Variants in SORCS2 observed in about 807,000 individuals in gnomAD.
SORCS2 encodes sortilin related VPS10 domain containing receptor 2, also known as VPS10 domain-containing receptor SorCS2.
A neutral mutation model predicts 141.6 loss-of-function variants in SORCS2; 100 were observed. That is an observed-to-expected ratio of 0.71 (90% confidence interval 0.60 to 0.83). The LOEUF (loss-of-function observed/expected upper bound fraction) is 0.83, where lower values mean the gene tolerates loss of function less well. SORCS2 is among the 40% of genes least tolerant of loss of function. SORCS2 has a pLI of 0.00. For missense variants in SORCS2, 1,646 were observed against 1,560.2 expected, an observed-to-expected ratio of 1.05 and a Z score of -0.93; for synonymous variants, 789 against 676.9, an observed-to-expected ratio of 1.17 and a Z score of -2.57.
At chr4:7,590,392 C>G (rs1716837233) in intron 3 of SORCS2, among the ~76,000 whole-genome samples, 1 of 152,174 alleles carries the variant, frequency 6.6e-6, no homozygotes, top group African/African-American at 2.4e-5. Flanking sequence ...AAGGAAAGGG[C>G]TTGTGAAGAC....
chr4:7,533,975 C>T (rs918468791), intron 3 of SORCS2, among the ~76,000 whole-genome samples: 5 of 152,128 alleles, frequency 3.3e-5, no homozygotes, highest in African/African-American at 1.2e-4. Context: ...ACAGGCAGCA[C>T]CGGGGAGGTA....
chr4:7,527,492 C>T (rs796821839), intron 2 of SORCS2, among the ~76,000 whole-genome samples: 7 of 152,280 alleles, frequency 4.6e-5, no homozygotes, highest in African/African-American at 1.7e-4. Context: ...GCGAGGACTG[C>T]AGGAGGTCGC....
At chr4:7,293,598 T>C (rs1158126867) in intron 1 of SORCS2, among the ~76,000 whole-genome samples, 3 of 152,176 alleles carry the variant, frequency 2.0e-5, no homozygotes, top group African/African-American at 7.2e-5. Flanking sequence ...TTGAAGGTAG[T>C]GAATGGTTTT....
intron 2 of SORCS2, among the ~76,000 whole-genome samples, chr4:7,423,555 C>T (rs901333305): frequency 9.9e-5 from 15 of 152,158 alleles, no homozygotes; most frequent in Admixed American, 2.6e-4. Context: ...GCTGGTGTTA[C>T]TGGTGTGCAC....
At chr4:7,504,685 A>G (rs1297386000) in intron 2 of SORCS2, among the ~76,000 whole-genome samples, 2 of 152,174 alleles carry the variant, frequency 1.3e-5, no homozygotes, top group African/African-American at 4.8e-5. Context: ...TAAATGCTAT[A>G]TGCTGTCGCT....
At chr4:7,384,424 C>A (rs1195978983) in intron 1 of SORCS2, among the ~76,000 whole-genome samples, 2 of 152,162 alleles carry the variant, frequency 1.3e-5, no homozygotes, top group Non-Finnish European at 2.9e-5. Context: ...GGCATCCTGC[C>A]TGCCCACAGT....
At chr4:7,571,807 C>A (rs757980781) in intron 3 of SORCS2, among the ~76,000 whole-genome samples, 5 of 152,230 alleles carry the variant, frequency 3.3e-5, no homozygotes, top group Non-Finnish European at 7.3e-5. Context: ...TGGTGATTAT[C>A]ATCAGCGATG....
At chr4:7,614,907 T>C (rs534289456) in intron 3 of SORCS2, among the ~76,000 whole-genome samples, 45 of 151,834 alleles carry the variant, frequency 3.0e-4, no homozygotes, top group African/African-American at 9.7e-4. Flanking sequence ...ATCAATCCAT[T>C]CATCCATCCA....
At chr4:7,459,756 T>G (rs915120426) in intron 2 of SORCS2, among the ~76,000 whole-genome samples, 23 of 152,272 alleles carry the variant, frequency 1.5e-4, no homozygotes, top group Middle Eastern at 3.4e-3. Context: ...CCTGCTCCCA[T>G]CACCCTCTGG....
At chr4:7,647,589 T>C (rs1373979310) in intron 4 of SORCS2, among the ~76,000 whole-genome samples, 3 of 151,998 alleles carry the variant, frequency 2.0e-5, no homozygotes, top group Non-Finnish European at 4.4e-5. Flanking sequence ...CTTGTGACAG[T>C]GGTGGGGTCT....
intron 2 of SORCS2, among the ~76,000 whole-genome samples, chr4:7,398,244 A>C (rs1365107075): frequency 1.4e-4 from 22 of 152,130 alleles, no homozygotes. Flanking sequence ...GATTCCTCAG[A>C]AGCAGGTGGC....
intron 4 of SORCS2, 91 bp downstream of exon 4, chr4:7,638,583 C>T (rs956821996): frequency 3.7e-6 from 5 of 1,363,452 alleles, no homozygotes; most frequent in Non-Finnish European, 4.9e-6. Context: ...GCAAGTGGGA[C>T]CCGGAACCCC....
chr4:7,245,996 G>A lies in SORCS2; in HGVS notation c.480+52870G>A, dbSNP rs186022159. On this transcript the variant is annotated intron_variant, in intron 1 of 26. Transcript: ENST00000507866. ...AGCCTTGCCGTGATACTCCCGGGGT[G>A]CATTTTGCCTTGATGCCTGGTTCTG... is the stretch of plus-strand genomic sequence containing the variant. Among the ~76,000 whole-genome samples the A allele has an allele frequency of 2.6e-5, 4 of 152,326 alleles. No homozygotes were observed. The East Asian group carries it at 7.7e-4, about 29-fold the overall frequency.
chr4:7,620,310 G>A (rs1410254235), intron 3 of SORCS2, among the ~76,000 whole-genome samples: 1 of 152,218 alleles, frequency 6.6e-6, no homozygotes, highest in East Asian at 1.9e-4. Flanking sequence ...TTACGTGGAT[G>A]TGGCCCATGT....
At chr4:7,285,136 G>T (rs1716124503) in intron 1 of SORCS2, among the ~76,000 whole-genome samples, 1 of 151,688 alleles carries the variant, frequency 6.6e-6, no homozygotes, top group South Asian at 2.1e-4. Flanking sequence ...GGGTTCAAAC[G>T]ATTCTCGTGC....
At chr4:7,484,731 C>T (rs755733191) in intron 2 of SORCS2, among the ~76,000 whole-genome samples, 6 of 152,122 alleles carry the variant, frequency 3.9e-5, no homozygotes, top group Non-Finnish European at 8.8e-5. Context: ...ACAAGTTAAA[C>T]GACAGCCTGA....
At chr4:7,587,952 G>C (rs1377959256) in intron 3 of SORCS2, among the ~76,000 whole-genome samples, 1 of 152,188 alleles carries the variant, frequency 6.6e-6, no homozygotes, top group African/African-American at 2.4e-5. Context: ...ATTTTTTCAG[G>C]CCTTTAAAAC....
intron 26 of SORCS2, among the ~76,000 whole-genome samples, chr4:7,739,767 T>C (rs942604396): frequency 1.3e-5 from 2 of 152,052 alleles, no homozygotes; most frequent in Admixed American, 1.3e-4. Context: ...GACACCCGGC[T>C]CACCCCTTGG....
chr4:7,692,334 T>A (rs1259564949), intron 11 of SORCS2, among the ~76,000 whole-genome samples: 1 of 151,948 alleles, frequency 6.6e-6, no homozygotes, highest in Non-Finnish European at 1.5e-5. Context: ...CTGAATTCCA[T>A]CCCAGAGGCA....
Sources: allele counts gnomAD v4.1 joint callset (sites outside exome capture counted in the v4.1 genomes callset), GRCh38; gene constraint gnomAD v4.1.1; transcripts MANE v1.5; gene names NCBI Gene and HGNC (gene_info 2026-07-23, HGNC 2026-07-21).